CALHM2: variants seen among roughly 807,000 people sequenced by gnomAD.
CALHM2 encodes the protein calcium homeostasis modulator family member 2.
In CALHM2, 18 loss-of-function variants were observed where a neutral mutation model predicts 20.4. The ratio of observed to expected loss-of-function variants is 0.88; its 90% CI spans 0.61 to 1.31. The LOEUF (loss-of-function observed/expected upper bound fraction) is 1.31. CALHM2 is among the 50% of genes most tolerant of loss of function. The probability of loss-of-function intolerance (pLI) is 0.00; values close to 1 mark genes in which losing one functional copy is unlikely to be tolerated. For missense variants in CALHM2, 411 were observed against 435.7 expected, an observed-to-expected ratio of 0.94 and a Z score of 0.50; for synonymous variants, 193 against 192.1, an observed-to-expected ratio of 1.00 and a Z score of -0.04.
rs2032670157 is a variant in CALHM2, at chr10:103,447,148, C to G, written c.*4G>C. 6.3e-7 allele frequency: 1 copy of G among 1,590,354 alleles called. No homozygotes were observed. The highest frequency in any genetic ancestry group is 1.1e-5 in the South Asian group (1 of 88,598). On this transcript the variant is annotated 3_prime_UTR_variant, in exon 4 of 4. Coordinates refer to ENST00000260743, the MANE Select transcript of CALHM2 (RefSeq NM_015916.5). ...CATTTACAAAGAGCATGGGAAGCAC[C>G]TCCTTAGGAGGGGAGCAGGGCCATC...
At position 103,449,712 on chromosome 10, in the gene CALHM2, T is replaced by C. The variant is rs1592151789; in HGVS notation, c.230A>G (p.Asn77Ser). Reference sequence around the variant, plus strand: ...CTCGGCCACGAGGTTCCAGGTGTGGTTGTTGAGGATGATGCCAATGATGAA... The same window carrying C: ...CTCGGCCACGAGGTTCCAGGTGTGGCTGTTGAGGATGATGCCAATGATGAA... ...VLFIIGIILN[N>S]HTWNLVAECQ... Residue 77 changes from asparagine (N) to serine (S), a missense_variant, in exon 3 of 4, where the codon AAC (asparagine) becomes AGC (serine). By Grantham distance (46) the Asn-to-Ser change is conservative. Coordinates refer to ENST00000260743, the MANE Select transcript of CALHM2 (RefSeq NM_015916.5). 5.0e-6 allele frequency: 8 copies of C among 1,613,120 alleles called. No homozygotes were observed. In the East Asian group the frequency reaches 1.3e-4, roughly 27 times the overall value.
chr10:103,447,630 A>G (rs1179792617), intron 3 of CALHM2, 62 bp from the exon 4 acceptor site: 3 of 1,403,732 alleles, frequency 2.1e-6, no homozygotes, highest in Non-Finnish European at 2.8e-6. Context: ...TACCCCCCAG[A>G]GCGAATGGAA....
At position 103,447,284 on chromosome 10, in the gene CALHM2, G is replaced by C; in HGVS notation, c.840C>G (p.Ala280=). 1 of 1,614,250 alleles carries C rather than the reference G, an allele frequency of 6.2e-7. No homozygotes were observed. The highest frequency in any genetic ancestry group is 8.5e-7 in the Non-Finnish European group (1 of 1,180,038). ...EGTQPRPQWN[A]ITGVYLYREN... is the part of the protein sequence containing the mutation. ...CACGGTACAAGTAGACGCCGGTGAT[G>C]GCATTCCACTGTGGCCGTGGCTGCG... The change falls in exon 4 of 4, where the codon GCC becomes GCG. Residue 280 remains alanine (A), a synonymous_variant. Transcript: ENST00000260743.
Position 103,447,415 on chromosome 10 carries a change from C to T in CALHM2, c.709G>A (p.Val237Met). 2.5e-6 allele frequency: 4 copies of T among 1,614,220 alleles called. No individual in the cohort carries two copies. The highest frequency in any genetic ancestry group is 1.1e-5 in the South Asian group (1 of 91,082). Residue 237 changes from valine to methionine, a missense_variant, in exon 4 of 4, where the codon GTG (valine) becomes ATG (methionine). Coordinates refer to ENST00000260743, the MANE Select transcript of CALHM2 (RefSeq NM_015916.5). ...TTGGCAGCGAGCACCCGAGAGTGCA[C>T]CTCGGCCGTGCGCTGGAACAGCTGG... ...EDQLFQRTAEVHSRVLAANNV... is the reference protein window; with the variant it reads ...EDQLFQRTAEMHSRVLAANNV...
chr10:103,447,940 C>A (rs1228398012), intron 3 of CALHM2, among the ~76,000 whole-genome samples: 2 of 152,138 alleles, frequency 1.3e-5, no homozygotes, highest in Non-Finnish European at 2.9e-5. Context: ...CACCATCTGC[C>A]TTGTTTGGAG....
chr10:103,449,338 C>T, intron 3 of CALHM2, 49 bp downstream of exon 3: 2 of 1,549,486 alleles, frequency 1.3e-6, no homozygotes, highest in Non-Finnish European at 1.8e-6. Flanking sequence ...CCGGACCTCT[C>T]ACCAGCCACC....
In CALHM2 at chr10:103,447,300, C is replaced by T. The variant is rs377104588; in HGVS notation, c.824G>A (p.Arg275Gln). The change falls in exon 4 of 4, where the codon CGG becomes CAG. Residue 275 changes from arginine to glutamine, a missense_variant. Physicochemically the swap from Arg to Gln is conservative, Grantham distance 43. Transcript: ENST00000260743. ...ANFPVEGTQPRPQWNAITGVY... is the reference protein window; with the variant it reads ...ANFPVEGTQPQPQWNAITGVY... ...GCCGGTGATGGCATTCCACTGTGGCCGTGGCTGCGTGCCTTCCACTGGGAA... is the reference window on the plus strand; with the variant it reads ...GCCGGTGATGGCATTCCACTGTGGCTGTGGCTGCGTGCCTTCCACTGGGAA... The T allele has an allele frequency of 1.9e-5, 30 of 1,614,108 alleles. No individual in the cohort carries two copies. Among genetic ancestry groups the T allele is most frequent in the Middle Eastern group, 1.6e-4 (1 of 6,084 alleles).
At chr10:103,449,309 C>T (rs770176017) in intron 3 of CALHM2, 78 bp downstream of exon 3, 1 of 1,323,822 alleles carries the variant, frequency 7.6e-7, no homozygotes, top group Non-Finnish European at 1.1e-6. Flanking sequence ...CCAACCCCAG[C>T]TTTAGCACTA....
In CALHM2 at chr10:103,447,116, G is replaced by A. The variant is rs1253806536; in HGVS notation, c.*36C>T. 8 of 1,547,408 alleles carry A rather than the reference G, an allele frequency of 5.2e-6. No homozygotes were observed. Among genetic ancestry groups the A allele is most frequent in the Non-Finnish European group, 7.0e-6 (8 of 1,142,324 alleles). ...GCAGTGGGGTTCAGTTTGGGACCAAGTAGTGCCATTTACAAAGAGCATGGG... is the reference window on the plus strand; with the variant it reads ...GCAGTGGGGTTCAGTTTGGGACCAAATAGTGCCATTTACAAAGAGCATGGG... On this transcript the variant is annotated 3_prime_UTR_variant, in exon 4 of 4. Coordinates refer to ENST00000260743, the MANE Select transcript of CALHM2 (RefSeq NM_015916.5).
In CALHM2 at chr10:103,450,801, C is replaced by T. The variant is rs1212695706; in HGVS notation, c.-159+282G>A. On this transcript the variant is annotated intron_variant, in intron 2 of 3. Coordinates refer to ENST00000260743, the MANE Select transcript of CALHM2 (RefSeq NM_015916.5). The stretch of plus-strand genomic sequence containing the variant: ...AAATCATCCTGAGCCTTGCTCTTTC[C>T]TAGGGATGTTGGAGGGAAAGAAAAG... 2.0e-5 allele frequency: 3 copies of T among 152,324 alleles called. No homozygotes were observed. The East Asian group carries it at 5.8e-4, about 29-fold the overall frequency. 9.4% of individuals were successfully genotyped at this position (152,324 alleles called of 1,614,324 possible). A position where few individuals can be genotyped will look rare whatever the true frequency, so the allele number is the denominator to read the frequency against.
Position 103,447,047 on chromosome 10 carries a change from A to G in CALHM2, c.*105T>C. ...GTGGTCCTTTCCCCTGGCCAAGAAGATAACAGTTTTTTAAAAATCCCCTTC... is the reference window on the plus strand; with the variant it reads ...GTGGTCCTTTCCCCTGGCCAAGAAGGTAACAGTTTTTTAAAAATCCCCTTC... On this transcript the variant is annotated 3_prime_UTR_variant, in exon 4 of 4. Coordinates refer to ENST00000260743, the MANE Select transcript of CALHM2 (RefSeq NM_015916.5). 4 of 1,244,576 alleles carry G rather than the reference A, an allele frequency of 3.2e-6. No homozygotes were observed. The highest frequency in any genetic ancestry group is 3.3e-6 in the Non-Finnish European group (3 of 897,430). The allele number at this position is 1,244,576 out of a possible 1,614,324, so 77.1% of individuals were successfully genotyped here. A position where few individuals can be genotyped will look rare whatever the true frequency, so the allele number is the denominator to read the frequency against.
chr10:103,447,384 A>G lies in CALHM2; in HGVS notation c.740T>C (p.Val247Ala). 1 of 1,614,086 alleles carries G rather than the reference A, an allele frequency of 6.2e-7. No individual in the cohort carries two copies. The highest frequency in any genetic ancestry group is 1.3e-5 in the African/African-American group (1 of 75,072). The change falls in exon 4 of 4, where the codon GTG (valine) becomes GCG (alanine). Residue 247 changes from valine (V) to alanine (A), a missense_variant. Val to Ala is a moderately conservative substitution (Grantham distance 64). Coordinates refer to ENST00000260743, the MANE Select transcript of CALHM2 (RefSeq NM_015916.5). Reference sequence around the variant, plus strand: ...CGCCACAAAGCCAAAGAAGCGGCGCACATTGTTGGCAGCGAGCACCCGAGA... The same window carrying G: ...CGCCACAAAGCCAAAGAAGCGGCGCGCATTGTTGGCAGCGAGCACCCGAGA... ...VHSRVLAANNVRRFFGFVALN... is the reference protein window; with the variant it reads ...VHSRVLAANNARRFFGFVALN...
rs768559213 is a variant in CALHM2 at position 103,449,817 on chromosome 10, A to G, written c.125T>C (p.Val42Ala). The G allele has an allele frequency of 7.4e-6, 12 of 1,613,410 alleles. No individual in the cohort carries two copies. In the East Asian group the frequency reaches 2.2e-4, roughly 30 times the overall value. ...TVGSQELFSV[V>A]AFHCPCSPAR... ...CGGCGAGCAGGGGCAGTGGAAGGCC[A>G]CCACAGAGAACAGCTCCTGGCTGCC... Residue 42 changes from valine (V) to alanine (A), a missense_variant, in exon 3 of 4, where the codon GTG becomes GCG. Val to Ala is a moderately conservative substitution (Grantham distance 64, BLOSUM62 0). Transcript: ENST00000260743.
chr10:103,448,255 T>A (rs1418275101), intron 3 of CALHM2, among the ~76,000 whole-genome samples: 2 of 151,876 alleles, frequency 1.3e-5, no homozygotes, highest in Non-Finnish European at 2.9e-5. Flanking sequence ...CAAGCAGTTC[T>A]CCTGCCTCAG....
intron 3 of CALHM2, among the ~76,000 whole-genome samples, chr10:103,449,070 G>C (rs1486063901): frequency 6.6e-6 from 1 of 152,160 alleles, no homozygotes; most frequent in Admixed American, 6.5e-5. Flanking sequence ...ATCTGGCTGG[G>C]GTAAGGGGCT....
chr10:103,449,732 G>A lies in CALHM2; in HGVS notation c.210C>T (p.Ile70=), dbSNP rs1416129503. The A allele has an allele frequency of 6.2e-7, 1 of 1,613,638 alleles. No individual in the cohort carries two copies. Among genetic ancestry groups the A allele is most frequent in the Non-Finnish European group, 8.5e-7 (1 of 1,180,038 alleles). The change falls in exon 3 of 4, where the codon ATC becomes ATT. Residue 70 remains isoleucine (I), a synonymous_variant. Transcript: ENST00000260743. ...TGTGGTTGTTGAGGATGATGCCAAT[G>A]ATGAAGAGCACCAGGGCGGGCACGC... ...AIGVPALVLF[I]IGIILNNHTW... is the part of the protein sequence containing the mutation.
In CALHM2 at chr10:103,447,540, A is replaced by T; in HGVS notation, c.584T>A (p.Val195Glu). ...CTTGGTCAGGAACACCAGGATGGCC[A>T]CCACGCCGATGAGCAGCCATCCAAA... ...QLFGWLLIGV[V>E]AILVFLTKCL... The change falls in exon 4 of 4, where the codon GTG becomes GAG. Residue 195 changes from valine to glutamate, a missense_variant. Physicochemically the swap from Val to Glu is moderately radical, Grantham distance 121. Transcript: ENST00000260743. 2 of 1,603,672 alleles carry T rather than the reference A, an allele frequency of 1.2e-6. No individual in the cohort carries two copies. The highest frequency in any genetic ancestry group is 1.7e-6 in the Non-Finnish European group (2 of 1,173,288).
rs1282291769 is a variant in CALHM2, at chr10:103,447,341, CTCA to C, written c.780_782del (p.Asp260del). On this transcript the variant is annotated inframe_deletion, in exon 4 of 4. Transcript: ENST00000260743. ...CCACTGGGAAGTTGGCAATCAGTTCCTCATCATCCTTGTTGAGCGCCACAAAGC... is the reference window on the plus strand; with the variant it reads ...CCACTGGGAAGTTGGCAATCAGTTCCTCATCCTTGTTGAGCGCCACAAAGC... The C allele has an allele frequency of 1.9e-6, 3 of 1,614,144 alleles. No homozygotes were observed. Among genetic ancestry groups the C allele is most frequent in the African/African-American group, 1.3e-5 (1 of 74,952 alleles).
Position 103,449,390 on chromosome 10 carries a change from G to T in CALHM2, c.552C>A (p.Ser184=), listed in dbSNP as rs750455484. 6.2e-7 allele frequency: 1 copy of T among 1,612,274 alleles called. No individual in the cohort carries two copies. Among genetic ancestry groups the T allele is most frequent in the South Asian group, 1.1e-5 (1 of 91,008 alleles). ...EEVSRRLRYE[S]QLFGWLLIGV... ...TTCCCTTTGCACAGCTCCTTACCTG[G>T]GACTCATACCTGAGCCTGCGGCTGA... The change falls in exon 3 of 4, where the codon TCC becomes TCA. Residue 184 remains serine, a synonymous_variant. Transcript: ENST00000260743.
Sources: gnomAD v4.1 joint callset for allele counts (sites outside exome capture counted in the v4.1 genomes callset) on GRCh38, gnomAD v4.1.1 for gene constraint, MANE v1.5 for transcripts, NCBI Gene and HGNC (gene_info 2026-07-23, HGNC 2026-07-21) for gene names.